The following KCTD16 variants were observed in gnomAD, a reference collection of about 807,000 sequenced individuals.
The protein encoded by KCTD16 is potassium channel tetramerization domain containing 16.
In KCTD16, 13 loss-of-function variants were observed where a neutral mutation model predicts 33.2. The ratio of observed to expected loss-of-function variants is 0.39; its 90% CI spans 0.25 to 0.62. The LOEUF (loss-of-function observed/expected upper bound fraction) is 0.62, where lower values mean the gene tolerates loss of function less well. KCTD16 is among the 20% of genes least tolerant of loss of function. The pLI is 0.50. For synonymous variants in KCTD16, 197 were observed against 195.3 expected, an observed-to-expected ratio of 1.01 and a Z score of -0.07; for missense variants, 441 against 525.1, an observed-to-expected ratio of 0.84 and a Z score of 1.57.
intron 3 of KCTD16, among the ~76,000 whole-genome samples, chr5:144,280,756 C>G (rs1449828387): frequency 6.6e-6 from 1 of 152,094 alleles, no homozygotes; most frequent in Non-Finnish European, 1.5e-5. Context: ...AACCCCATCT[C>G]TACTAAACAA....
chr5:144,468,053 G>A (rs1031923928), intron 3 of KCTD16, among the ~76,000 whole-genome samples: 2 of 152,164 alleles, frequency 1.3e-5, no homozygotes, highest in Non-Finnish European at 2.9e-5. Flanking sequence ...TCCAAAAGCA[G>A]TTGGTTTCAG....
At chr5:144,235,437 T>C (rs998845763) in intron 3 of KCTD16, among the ~76,000 whole-genome samples, 1 of 152,106 alleles carries the variant, frequency 6.6e-6, no homozygotes, top group Non-Finnish European at 1.5e-5. Flanking sequence ...TGGAGTCAGT[T>C]TGACTGAGAT....
chr5:144,428,641 C>G (rs1289951718), intron 3 of KCTD16, among the ~76,000 whole-genome samples: 1 of 152,150 alleles, frequency 6.6e-6, no homozygotes, highest in Non-Finnish European at 1.5e-5. Flanking sequence ...GAATAATAAG[C>G]AATATTGTTT....
chr5:144,464,738 CTCCTCT>C lies in KCTD16; in HGVS notation c.833-8901_833-8896del, dbSNP rs761370771. ...CTTCTTCTTCTTCCTATTCCTCTTT[CTCCTCT>C]TCCTCTTCCTCTTCCTCTTCTTCTT... is the stretch of plus-strand genomic sequence containing the variant. On this transcript the variant is annotated intron_variant, in intron 3 of 3. Coordinates refer to ENST00000512467, the MANE Select transcript of KCTD16 (RefSeq NM_020768.4). 8.1e-3 allele frequency among the ~76,000 whole-genome samples: 1,223 copies of C among 151,056 alleles called. 12 individuals carry two copies. The highest frequency in any genetic ancestry group is 0.021 in the African/African-American group (878 of 41,084).
At chr5:144,383,548 A>G (rs1752261022) in intron 3 of KCTD16, among the ~76,000 whole-genome samples, 1 of 149,716 alleles carries the variant, frequency 6.7e-6, no homozygotes, top group African/African-American at 2.4e-5. Flanking sequence ...GGTGAAGGAA[A>G]AAAAAAAAAA....
intron 2 of KCTD16, among the ~76,000 whole-genome samples, chr5:144,187,078 T>A (rs1752742385): frequency 6.6e-6 from 1 of 152,216 alleles, no homozygotes; most frequent in African/African-American, 2.4e-5. Flanking sequence ...AAATTCCATA[T>A]ATACATAAAC....
chr5:144,254,452 C>T (rs1156492749), intron 3 of KCTD16, among the ~76,000 whole-genome samples: 2 of 152,124 alleles, frequency 1.3e-5, no homozygotes. Flanking sequence ...ATCACCCAAC[C>T]AGAAGACCTT....
At chr5:144,296,577 A>G (rs1323083619) in intron 3 of KCTD16, among the ~76,000 whole-genome samples, 1 of 152,204 alleles carries the variant, frequency 6.6e-6, no homozygotes, top group South Asian at 2.1e-4. Flanking sequence ...CTTTTAAAAA[A>G]TTCAACAATT....
Position 144,256,688 on chromosome 5 carries a change from T to C in KCTD16, c.832+49142T>C, listed in dbSNP as rs562251400. ...TAGCCCGAGAGGGGTGCCATCTTAA[T>C]AGCACTACAAAAGCAACAAGACATT... On this transcript the variant is annotated intron_variant, in intron 3 of 3. Transcript: ENST00000512467. 4.6e-5 allele frequency among the ~76,000 whole-genome samples: 7 copies of C among 151,790 alleles called. No individual in the cohort carries two copies. The South Asian group carries it at 1.5e-3, about 31-fold the overall frequency.
In KCTD16 at chr5:144,237,015, A is replaced by G. The variant is rs142365319; in HGVS notation, c.832+29469A>G. Reference sequence around the variant, plus strand: ...GTACACTGGTAGGTCAAGTGGTTGGACAGGTACCAGTGATTAGTTCTAGAT... The same window carrying G: ...GTACACTGGTAGGTCAAGTGGTTGGGCAGGTACCAGTGATTAGTTCTAGAT... On this transcript the variant is annotated intron_variant, in intron 3 of 3. Coordinates refer to ENST00000512467, the MANE Select transcript of KCTD16 (RefSeq NM_020768.4). Among the ~76,000 whole-genome samples, 396 of 152,184 alleles carry G rather than the reference A, an allele frequency of 2.6e-3. 3 individuals carry two copies. Among genetic ancestry groups the G allele is most frequent in the African/African-American group, 9.2e-3 (383 of 41,538 alleles).
intron 2 of KCTD16, among the ~76,000 whole-genome samples, chr5:144,183,055 A>C (rs1282631783): frequency 6.6e-6 from 1 of 152,046 alleles, no homozygotes; most frequent in East Asian, 1.9e-4. Context: ...TAAAAAAAAA[A>C]AATAAAAGAG....
intron 3 of KCTD16, among the ~76,000 whole-genome samples, chr5:144,347,071 A>T (rs935645538): frequency 3.3e-5 from 5 of 152,144 alleles, no homozygotes; most frequent in African/African-American, 1.2e-4. Context: ...TTCTTCCAGC[A>T]GAAGTTTCTT....
intron 3 of KCTD16, among the ~76,000 whole-genome samples, chr5:144,427,251 C>T (rs543758457): frequency 6.0e-5 from 9 of 151,204 alleles, no homozygotes; most frequent in South Asian, 4.2e-4. Flanking sequence ...TTGAATTAAG[C>T]GGGGGGAGGG....
At chr5:144,213,608 C>T (rs574348556) in intron 3 of KCTD16, among the ~76,000 whole-genome samples, 1 of 152,116 alleles carries the variant, frequency 6.6e-6, no homozygotes. Flanking sequence ...TTTTAGAGGC[C>T]TAATCAAATT....
At chr5:144,464,666 TTCC>T (rs1185961609) in intron 3 of KCTD16, among the ~76,000 whole-genome samples, 1 of 151,412 alleles carries the variant, frequency 6.6e-6, no homozygotes, top group Non-Finnish European at 1.5e-5. Flanking sequence ...CAAGTTCCTC[TTCC>T]TCCTCCTCAT....
At chr5:144,321,594 C>T (rs921279572) in intron 3 of KCTD16, among the ~76,000 whole-genome samples, 2 of 152,166 alleles carry the variant, frequency 1.3e-5, no homozygotes, top group Non-Finnish European at 2.9e-5. Context: ...CTTTCTGTCT[C>T]AGCTGTGTAG....
At chr5:144,406,811 A>G (rs930825079) in intron 3 of KCTD16, among the ~76,000 whole-genome samples, 6 of 152,192 alleles carry the variant, frequency 3.9e-5, no homozygotes, top group African/African-American at 1.4e-4. Context: ...ATGCCAATCT[A>G]TGCAAGCTTC....
chr5:144,380,334 C>A (rs1340098954), intron 3 of KCTD16, among the ~76,000 whole-genome samples: 2 of 151,768 alleles, frequency 1.3e-5, no homozygotes, highest in Admixed American at 1.3e-4. Flanking sequence ...CTGAAAAAAA[C>A]CAGAGACAGC....
At position 144,452,704 on chromosome 5, in the gene KCTD16, C is replaced by T. The variant is rs114240487; in HGVS notation, c.833-20956C>T. ...CTTGGTCATTTGACAAATCAGCTGC[C>T]AAATCTGGACCAAAATAAAATAGAG... On this transcript the variant is annotated intron_variant, in intron 3 of 3. Transcript: ENST00000512467. 9.8e-3 allele frequency among the ~76,000 whole-genome samples: 1,476 copies of T among 150,890 alleles called. 8 individuals are homozygous for T. The highest frequency in any genetic ancestry group is 0.017 in the Non-Finnish European group (1,150 of 67,764).
Sources: allele counts gnomAD v4.1 joint callset (sites outside exome capture counted in the v4.1 genomes callset), GRCh38; gene constraint gnomAD v4.1.1; transcripts MANE v1.5; gene names NCBI Gene and HGNC (gene_info 2026-07-23, HGNC 2026-07-21).